Variants in LRRTM4 observed in about 807,000 individuals in gnomAD.
LRRTM4 encodes leucine-rich repeat transmembrane neuronal protein 4.
Under a neutral mutation model 47.6 loss-of-function variants are expected in LRRTM4, and 25 were observed. The ratio of observed to expected loss-of-function variants is 0.53; its 90% CI spans 0.38 to 0.73. The LOEUF (loss-of-function observed/expected upper bound fraction) is 0.73. Among genes scored for constraint, LRRTM4 ranks in the 30% least tolerant of loss-of-function variants. The pLI, the probability that LRRTM4 is intolerant of heterozygous loss-of-function variation, is 0.00. For synonymous variants in LRRTM4, 311 were observed against 269.5 expected (o/e 1.15, Z -1.51); for missense variants, 638 against 713.4 (o/e 0.89, Z 1.20).
chr2:77,217,966 C>A (rs1674506182), intron 3 of LRRTM4, among the ~76,000 whole-genome samples: 1 of 152,052 alleles, frequency 6.6e-6, no homozygotes, highest in Admixed American at 6.6e-5. Flanking sequence ...ATTCATTAAA[C>A]AAAACTGAGC....
intron 3 of LRRTM4, among the ~76,000 whole-genome samples, chr2:77,200,562 C>G (rs1673945980): frequency 6.6e-6 from 1 of 151,996 alleles, no homozygotes; most frequent in Non-Finnish European, 1.5e-5. Flanking sequence ...GGACAATATG[C>G]ATGTTCTTAG....
intron 3 of LRRTM4, among the ~76,000 whole-genome samples, chr2:77,016,917 G>A (rs1361554960): frequency 4.6e-5 from 7 of 151,788 alleles, no homozygotes; most frequent in Non-Finnish European, 1.0e-4. Context: ...GCAGAGAAAT[G>A]TGTAGCAGCA....
chr2:77,066,114 A>T (rs1679942348), intron 3 of LRRTM4, among the ~76,000 whole-genome samples: 1 of 152,086 alleles, frequency 6.6e-6, no homozygotes, highest in African/African-American at 2.4e-5. Flanking sequence ...AATACTAAGA[A>T]CTCACTCTAG....
At chr2:76,836,154 T>A (rs1325507005) in intron 3 of LRRTM4, among the ~76,000 whole-genome samples, 4 of 38,134 alleles carry the variant, frequency 1.0e-4, no homozygotes, top group Non-Finnish European at 2.6e-4. Context: ...TATTATAGTA[T>A]GCGGTAAAAA....
At chr2:76,958,998 C>A (rs550550418) in intron 3 of LRRTM4, among the ~76,000 whole-genome samples, 1 of 151,516 alleles carries the variant, frequency 6.6e-6, no homozygotes, top group Admixed American at 6.6e-5. Context: ...AGCAGCCACA[C>A]GGTCATTGTT....
chr2:77,518,283 A>G, intron 3 of LRRTM4, 35 bp downstream of exon 3: 3 of 1,535,270 alleles, frequency 2.0e-6, no homozygotes, highest in South Asian at 1.3e-5. Context: ...CCTTCCCCGC[A>G]GTAGAAATGC....
chr2:76,854,874 A>G (rs563534591), intron 3 of LRRTM4, among the ~76,000 whole-genome samples: 4 of 152,108 alleles, frequency 2.6e-5, no homozygotes, highest in Admixed American at 6.6e-5. Flanking sequence ...AACAATCAAC[A>G]TAACAGATAA....
Position 77,294,250 on chromosome 2 carries a change from T to A in LRRTM4, c.1551+224068A>T, listed in dbSNP as rs988625046. Among the ~76,000 whole-genome samples the A allele has an allele frequency of 2.0e-5, 3 of 151,642 alleles. No homozygotes were observed. The East Asian group carries it at 5.8e-4, about 29-fold the overall frequency. On this transcript the variant is annotated intron_variant, in intron 3 of 3. Coordinates refer to ENST00000409884, the MANE Select transcript of LRRTM4 (RefSeq NM_001134745.3). ...ATCAACTATTCGATCAATAGTGACT[T>A]TTTTTGGAAAATCAGGAGGAAAATG...
intron 3 of LRRTM4, among the ~76,000 whole-genome samples, chr2:76,873,506 G>GTATATATATATATATATATGTA (rs1672692579): frequency 1.8e-5 from 2 of 112,312 alleles, no homozygotes; most frequent in Non-Finnish European, 3.8e-5. Context: ...ATATATGTGT[G>GTATATATATATATATATATGTA]TATATATATA....
chr2:76,929,925 TTGTGTGTGTGTGTGTGTG>T (rs3055992), intron 3 of LRRTM4, among the ~76,000 whole-genome samples: 7 of 149,320 alleles, frequency 4.7e-5, no homozygotes, highest in East Asian at 2.0e-4. Context: ...CAATTAGAGT[TTGTGTGTGTGTGTGTGTG>T]TGTGTGTGTG....
intron 3 of LRRTM4, among the ~76,000 whole-genome samples, chr2:76,756,948 C>T (rs1166963072): frequency 2.0e-5 from 3 of 152,038 alleles, no homozygotes; most frequent in Admixed American, 6.6e-5. Flanking sequence ...TAATCATACC[C>T]TTTCTTTATT....
At chr2:77,418,752 C>T (rs1343052524) in intron 3 of LRRTM4, among the ~76,000 whole-genome samples, 1 of 152,134 alleles carries the variant, frequency 6.6e-6, no homozygotes, top group Admixed American at 6.6e-5. Context: ...TTGTTTTTCT[C>T]CTGAGTCATA....
chr2:76,839,317 C>T (rs528385076), intron 3 of LRRTM4, among the ~76,000 whole-genome samples: 7 of 152,154 alleles, frequency 4.6e-5, no homozygotes, highest in African/African-American at 1.4e-4. Context: ...CAGTTCTACT[C>T]AGGTGTCAGA....
intron 3 of LRRTM4, among the ~76,000 whole-genome samples, chr2:77,037,132 C>A (rs991702874): frequency 1.3e-5 from 2 of 151,684 alleles, no homozygotes; most frequent in Non-Finnish European, 3.0e-5. Context: ...CACTGCTAGG[C>A]TGTAATCATT....
intron 3 of LRRTM4, among the ~76,000 whole-genome samples, chr2:76,913,564 G>A (rs1278803224): frequency 1.5e-4 from 9 of 61,998 alleles, no homozygotes; most frequent in Non-Finnish European, 1.7e-4. Flanking sequence ...TTTTGAGACA[G>A]AGTCTTGCTC....
At chr2:77,018,422 C>T (rs1278029822) in intron 3 of LRRTM4, among the ~76,000 whole-genome samples, 1 of 151,896 alleles carries the variant, frequency 6.6e-6, no homozygotes, top group African/African-American at 2.4e-5. Flanking sequence ...AGGGAAGAAA[C>T]CATGTAGCTG....
intron 3 of LRRTM4, among the ~76,000 whole-genome samples, chr2:77,000,791 AG>A (rs1188378018): frequency 1.3e-5 from 2 of 150,194 alleles, no homozygotes; most frequent in African/African-American, 2.4e-5. Context: ...CTCTCTCATC[AG>A]GAAGATTCCT....
intron 3 of LRRTM4, among the ~76,000 whole-genome samples, chr2:77,165,905 C>A (rs1382349028): frequency 6.6e-6 from 1 of 152,166 alleles, no homozygotes; most frequent in African/African-American, 2.4e-5. Context: ...TGGCCCAAGA[C>A]AGGGATGCCC....
chr2:77,071,317 A>G (rs190281291), intron 3 of LRRTM4, among the ~76,000 whole-genome samples: 1 of 152,290 alleles, frequency 6.6e-6, no homozygotes, highest in African/African-American at 2.4e-5. Flanking sequence ...TCTTTTTGAT[A>G]TATGCATATT....
Sources: allele counts gnomAD v4.1 joint callset (sites outside exome capture counted in the v4.1 genomes callset), GRCh38; gene constraint gnomAD v4.1.1; transcripts MANE v1.5; gene names NCBI Gene and HGNC (gene_info 2026-07-23, HGNC 2026-07-21).